The following PTPRG variants were observed in gnomAD, a reference collection of about 807,000 sequenced individuals.
The protein encoded by PTPRG is receptor-type tyrosine-protein phosphatase gamma.
A neutral mutation model predicts 165.3 loss-of-function variants in PTPRG; 102 were observed. The observed-to-expected ratio is 0.62, with a 90% CI of 0.53 to 0.73. The LOEUF is 0.73. PTPRG is among the 30% of genes least tolerant of loss of function. PTPRG has a pLI of 0.00. For missense variants in PTPRG, 1,866 were observed against 1,861.4 expected, an observed-to-expected ratio of 1.00 and a Z score of -0.05; for synonymous variants, 675 against 669.5, an observed-to-expected ratio of 1.01 and a Z score of -0.13.
chr3:62,270,676 A>G (rs1032421100), intron 20 of PTPRG, among the ~76,000 whole-genome samples: 63 of 152,196 alleles, frequency 4.1e-4, no homozygotes, highest in African/African-American at 1.4e-3. Context: ...GACCAGACAC[A>G]CTTCAAGCTT....
At chr3:61,817,031 A>AGTATATAATATATAATATT (rs1491133742) in intron 2 of PTPRG, among the ~76,000 whole-genome samples, 7 of 129,990 alleles carry the variant, frequency 5.4e-5, no homozygotes, top group Non-Finnish European at 8.0e-5. Flanking sequence ...TATAATATAT[A>AGTATATAATATATAATATT]GTATATAATA....
chr3:61,736,224 AT>A (rs950559313), intron 1 of PTPRG, among the ~76,000 whole-genome samples: 2 of 149,054 alleles, frequency 1.3e-5, no homozygotes, highest in African/African-American at 4.9e-5. Flanking sequence ...TTTTTTTTTA[AT>A]TTTTTAATCA....
At chr3:61,984,532 G>A (rs2040711278) in intron 2 of PTPRG, among the ~76,000 whole-genome samples, 2 of 152,112 alleles carry the variant, frequency 1.3e-5, no homozygotes, top group African/African-American at 4.8e-5. Flanking sequence ...GTAAAACCTG[G>A]TTAGTAAAAT....
At chr3:62,231,574 A>T (rs1700902454) in intron 14 of PTPRG, among the ~76,000 whole-genome samples, 1 of 151,898 alleles carries the variant, frequency 6.6e-6, no homozygotes, top group African/African-American at 2.4e-5. Context: ...CCGGGTTTGT[A>T]TGTACTGGGG....
chr3:61,585,160 A>G (rs905528153), intron 1 of PTPRG, among the ~76,000 whole-genome samples: 4 of 151,788 alleles, frequency 2.6e-5, no homozygotes, highest in African/African-American at 9.7e-5. Context: ...TGGCACCTGT[A>G]GTCCCAGCTA....
intron 4 of PTPRG, among the ~76,000 whole-genome samples, chr3:62,045,094 G>A (rs1417784855): frequency 6.6e-6 from 1 of 152,174 alleles, no homozygotes; most frequent in Admixed American, 6.5e-5. Flanking sequence ...CATAGTAGTT[G>A]TCTCAGAATG....
At chr3:61,738,042 G>C (rs1289145386) in intron 1 of PTPRG, among the ~76,000 whole-genome samples, 1 of 150,066 alleles carries the variant, frequency 6.7e-6, no homozygotes, top group Admixed American at 6.6e-5. Flanking sequence ...CCGAGTAGTT[G>C]GGACTACAGG....
chr3:61,694,539 CAG>C (rs1203464039), intron 1 of PTPRG, among the ~76,000 whole-genome samples: 1 of 152,182 alleles, frequency 6.6e-6, no homozygotes, highest in Non-Finnish European at 1.5e-5. Context: ...CTTTCTGACT[CAG>C]TGATCCCACT....
chr3:61,775,359 C>G (rs1375136548), intron 2 of PTPRG, among the ~76,000 whole-genome samples: 1 of 152,170 alleles, frequency 6.6e-6, no homozygotes, highest in African/African-American at 2.4e-5. Flanking sequence ...GCATGAGGCA[C>G]TGCACCAGGC....
intron 15 of PTPRG, among the ~76,000 whole-genome samples, chr3:62,250,176 G>T (rs547776220): frequency 6.6e-6 from 1 of 152,306 alleles, no homozygotes; most frequent in African/African-American, 2.4e-5. Context: ...GTGTTATCCT[G>T]ATTGCTTTTC....
intron 2 of PTPRG, among the ~76,000 whole-genome samples, chr3:61,814,400 G>T (rs1357690922): frequency 6.6e-6 from 1 of 152,120 alleles, no homozygotes; most frequent in Admixed American, 6.5e-5. Flanking sequence ...GACAGACTTT[G>T]CTAGTTTTTT....
At position 62,281,580 on chromosome 3, in the gene PTPRG, G is replaced by A. The variant is rs1702451769; in HGVS notation, c.3783G>A (p.Val1261=). 2 of 1,221,398 alleles carry A rather than the reference G, an allele frequency of 1.6e-6. No individual in the cohort carries two copies. Among genetic ancestry groups the A allele is most frequent in the South Asian group, 1.3e-5 (1 of 75,208 alleles). The allele number at this position is 1,221,398 out of a possible 1,614,324, so 75.7% of individuals were successfully genotyped here. ...DNQSLAEDEF[V]YWPSREESMN... The stretch of plus-strand genomic sequence containing the variant: ...TTCCAAAGGCAGAAGATGAGTTTGT[G>A]TACTGGCCAAGTCGAGAAGAATCCA... The change falls in exon 27 of 30, where the codon GTG becomes GTA. Residue 1261 remains valine, a synonymous_variant. Transcript: ENST00000474889.
chr3:61,763,543 T>TC (rs1553663289), intron 2 of PTPRG, among the ~76,000 whole-genome samples: 2 of 150,332 alleles, frequency 1.3e-5, no homozygotes, highest in Non-Finnish European at 3.0e-5. Context: ...TTTTTGTATT[T>TC]CTCCTTCGTT....
chr3:61,708,126 G>C lies in PTPRG; in HGVS notation c.86-40752G>C, dbSNP rs767931811. On this transcript the variant is annotated intron_variant, in intron 1 of 29. Coordinates refer to ENST00000474889, the MANE Select transcript of PTPRG (RefSeq NM_002841.4). ...TTTTTTAGGGATATTTGCCTCCCCG[G>C]AACGCTGTGTCACTTTGTGCTGCTC... Among the ~76,000 whole-genome samples the C allele has an allele frequency of 2.0e-5, 3 of 151,800 alleles. No homozygotes were observed. In the South Asian group the frequency reaches 6.3e-4, roughly 32 times the overall value.
Position 62,255,055 on chromosome 3 carries a change from G to A in PTPRG, c.2468-69G>A. On this transcript the variant is annotated intron_variant, in intron 15 of 29. Coordinates refer to ENST00000474889, the MANE Select transcript of PTPRG (RefSeq NM_002841.4). This position sits in a 1 kb window ranked among gnomAD's most constrained non-coding sequence, Gnocchi z 4.0. ...CAAGTATTTGTCTTAAGGATGCTTT[G>A]CTTTATCAGTGTAATTTGTTTTATG... is the stretch of plus-strand genomic sequence containing the variant. The A allele has an allele frequency of 7.5e-7, 1 of 1,338,644 alleles. No homozygotes were observed. The highest frequency in any genetic ancestry group is 1.1e-6 in the Non-Finnish European group (1 of 950,728). 82.9% of individuals were successfully genotyped at this position (1,338,644 alleles called of 1,614,324 possible). A position where few individuals can be genotyped will look rare whatever the true frequency, so the allele number is the denominator to read the frequency against.
chr3:62,243,721 G>A (rs1701217793), intron 14 of PTPRG, 86 bp from the exon 15 acceptor site: 1 of 826,274 alleles, frequency 1.2e-6, no homozygotes, highest in Non-Finnish European at 1.9e-6. Context: ...TTAAAGCTGG[G>A]AAGATCTATA....
intron 2 of PTPRG, among the ~76,000 whole-genome samples, chr3:61,870,453 C>T (rs2037534434): frequency 8.0e-6 from 1 of 124,712 alleles, no homozygotes. Flanking sequence ...GCTGGGACTA[C>T]AGGCATGAAC....
At chr3:61,834,873 A>C (rs2107307742) in intron 2 of PTPRG, among the ~76,000 whole-genome samples, 1 of 152,280 alleles carries the variant, frequency 6.6e-6, no homozygotes, top group South Asian at 2.1e-4. Context: ...CTCATCCTGG[A>C]AGTTTCCTAA....
At chr3:62,232,049 C>T (rs1026716992) in intron 14 of PTPRG, among the ~76,000 whole-genome samples, 4 of 152,106 alleles carry the variant, frequency 2.6e-5, no homozygotes, top group Non-Finnish European at 5.9e-5. Context: ...GACTAATTCA[C>T]TAATCCATAT....
Sources: gnomAD v4.1 joint callset for allele counts (sites outside exome capture counted in the v4.1 genomes callset) on GRCh38, gnomAD v4.1.1 for gene constraint, Gnocchi (gnomAD v3.1) non-coding constraint, MANE v1.5 for transcripts, NCBI Gene and HGNC (gene_info 2026-07-23, HGNC 2026-07-21) for gene names.